NELL1: variants seen among roughly 807,000 people sequenced by gnomAD.
The protein encoded by NELL1 is protein kinase C-binding protein NELL1.
A neutral mutation model predicts 107.4 loss-of-function variants in NELL1; 76 were observed. That is an observed-to-expected ratio of 0.71 (90% CI 0.59 to 0.86). NELL1 has a LOEUF of 0.86. Ranked by LOEUF, NELL1 falls within the 40% of genes least tolerant of loss-of-function variation. The pLI is 0.00. For synonymous variants in NELL1, 353 were observed against 341.2 expected, an observed-to-expected ratio of 1.03 and a Z score of -0.38; for missense variants, 1,024 against 1,005.5, an observed-to-expected ratio of 1.02 and a Z score of -0.25.
intron 4 of NELL1, among the ~76,000 whole-genome samples, chr11:20,867,038 G>A (rs543767627): frequency 1.3e-5 from 2 of 152,208 alleles, no homozygotes; most frequent in East Asian, 1.9e-4. Context: ...CACATCTAAC[G>A]TCTAATATCT....
chr11:21,493,819 G>T (rs78917829), intron 15 of NELL1, among the ~76,000 whole-genome samples: 1 of 151,934 alleles, frequency 6.6e-6, no homozygotes, highest in Non-Finnish European at 1.5e-5. Context: ...ATTCTAACTT[G>T]ATCATTATAC....
chr11:20,931,770 G>A (rs1198564410), intron 9 of NELL1, among the ~76,000 whole-genome samples: 1 of 151,762 alleles, frequency 6.6e-6, no homozygotes, highest in East Asian at 1.9e-4. Flanking sequence ...TCCTTGGTTT[G>A]GTTCCTTATT....
At chr11:21,460,903 C>T (rs1434383313) in intron 15 of NELL1, among the ~76,000 whole-genome samples, 5 of 152,042 alleles carry the variant, frequency 3.3e-5, no homozygotes, top group Non-Finnish European at 7.4e-5. Context: ...CCCCTAGCTC[C>T]CTCACATTGT....
intron 16 of NELL1, among the ~76,000 whole-genome samples, chr11:21,554,920 C>A (rs935816397): frequency 6.6e-6 from 1 of 151,866 alleles, no homozygotes; most frequent in Non-Finnish European, 1.5e-5. Context: ...CTGGTATCCG[C>A]AGTTTCTGGA....
intron 16 of NELL1, among the ~76,000 whole-genome samples, chr11:21,548,163 G>A (rs1856489350): frequency 6.6e-6 from 1 of 151,916 alleles, no homozygotes; most frequent in Non-Finnish European, 1.5e-5. Flanking sequence ...ATGCAGAGGA[G>A]TGAATAAGTG....
At chr11:21,125,702 C>T (rs1045429441) in intron 13 of NELL1, among the ~76,000 whole-genome samples, 1 of 152,144 alleles carries the variant, frequency 6.6e-6, no homozygotes, top group Non-Finnish European at 1.5e-5. Context: ...TATCCTTCCA[C>T]GGGTGTCTGA....
chr11:21,507,565 T>C (rs925477453), intron 15 of NELL1, among the ~76,000 whole-genome samples: 3 of 152,168 alleles, frequency 2.0e-5, no homozygotes, highest in East Asian at 1.9e-4. Flanking sequence ...AGAGCTTACA[T>C]TGCTTTTTTG....
At chr11:20,760,753 A>T (rs1457088434) in intron 2 of NELL1, among the ~76,000 whole-genome samples, 3 of 152,232 alleles carry the variant, frequency 2.0e-5, no homozygotes, top group African/African-American at 7.2e-5. Flanking sequence ...GCATACATTC[A>T]GCTAGTTTGG....
intron 15 of NELL1, among the ~76,000 whole-genome samples, chr11:21,473,854 A>G (rs1188333584): frequency 6.6e-6 from 1 of 152,108 alleles, no homozygotes; most frequent in Non-Finnish European, 1.5e-5. Flanking sequence ...AGAACAAAAT[A>G]TCCGTTAAAA....
intron 16 of NELL1, among the ~76,000 whole-genome samples, chr11:21,542,504 T>C (rs930194895): frequency 1.3e-5 from 2 of 152,068 alleles, no homozygotes; most frequent in Non-Finnish European, 2.9e-5. Flanking sequence ...TTTTATTCAC[T>C]GGACTCAAGG....
At chr11:20,809,653 C>T (rs942604524) in intron 3 of NELL1, among the ~76,000 whole-genome samples, 2 of 152,152 alleles carry the variant, frequency 1.3e-5, no homozygotes, top group African/African-American at 4.8e-5. Flanking sequence ...GCTTATTTCA[C>T]TTAATGTCTT....
At chr11:21,218,015 T>C (rs1857660378) in intron 13 of NELL1, among the ~76,000 whole-genome samples, 1 of 152,198 alleles carries the variant, frequency 6.6e-6, no homozygotes, top group East Asian at 1.9e-4. Flanking sequence ...TGCTTGAATA[T>C]TAGTTAAAGT....
At chr11:20,744,684 CA>C (rs1855965196) in intron 2 of NELL1, among the ~76,000 whole-genome samples, 1 of 152,224 alleles carries the variant, frequency 6.6e-6, no homozygotes, top group Admixed American at 6.5e-5. Context: ...AAGCCTATTG[CA>C]CAGCATGTTT....
chr11:21,143,692 A>G (rs944340848), intron 13 of NELL1, among the ~76,000 whole-genome samples: 1 of 152,190 alleles, frequency 6.6e-6, no homozygotes, highest in Non-Finnish European at 1.5e-5. Flanking sequence ...TAAATCTTAC[A>G]TGGGGCATTG....
At chr11:20,788,323 C>T (rs327040) in intron 3 of NELL1, among the ~76,000 whole-genome samples, 9,660 of 152,178 alleles carry the variant, frequency 0.063, 563 homozygotes, top group African/African-American at 0.16. Flanking sequence ...CCCGAAGCAG[C>T]GTTTGAGGGT....
chr11:21,176,020 T>C (rs1011677173), intron 13 of NELL1, among the ~76,000 whole-genome samples: 3 of 151,822 alleles, frequency 2.0e-5, no homozygotes, highest in African/African-American at 7.3e-5. Flanking sequence ...AAAGTCCTTC[T>C]TTTCCCCTAT....
At chr11:20,709,266 A>G (rs925065698) in intron 2 of NELL1, among the ~76,000 whole-genome samples, 1 of 152,098 alleles carries the variant, frequency 6.6e-6, no homozygotes, top group Non-Finnish European at 1.5e-5. Context: ...GGGCTTGCCA[A>G]TTATCCCAGC....
chr11:21,365,295 G>A (rs1027741093), intron 14 of NELL1, among the ~76,000 whole-genome samples: 2 of 152,182 alleles, frequency 1.3e-5, no homozygotes, highest in African/African-American at 4.8e-5. Context: ...AGGTGGTAGA[G>A]CCCTAAACGG....
At chr11:20,745,086 C>G (rs1224562683) in intron 2 of NELL1, among the ~76,000 whole-genome samples, 1 of 152,090 alleles carries the variant, frequency 6.6e-6, no homozygotes, top group African/African-American at 2.4e-5. Context: ...ACTTCATTTA[C>G]TTGTTTTGTT....
Sources: allele counts gnomAD v4.1 joint callset (sites outside exome capture counted in the v4.1 genomes callset), GRCh38; gene constraint gnomAD v4.1.1; transcripts MANE v1.5; gene names NCBI Gene and HGNC (gene_info 2026-07-23, HGNC 2026-07-21).